Variants in NXN observed in about 807,000 individuals in gnomAD.
The protein encoded by NXN is nucleoredoxin, also known as nucleoredoxin 1.
NXN carries 16 observed loss-of-function variants against 48.6 expected under a neutral mutation model. That is an observed-to-expected ratio of 0.33 (90% CI 0.22 to 0.50). The LOEUF (loss-of-function observed/expected upper bound fraction) is 0.50. NXN is among the 20% of genes least tolerant of loss of function. The pLI is 0.98. For synonymous variants in NXN, 281 were observed against 269.6 expected (o/e 1.04, Z -0.41); for missense variants, 492 against 605.5 (o/e 0.81, Z 1.97).
chr17:830,511 G>A lies in NXN; in HGVS notation c.361-4433C>T, dbSNP rs143303656. 1.3e-5 allele frequency among the ~76,000 whole-genome samples: 2 copies of A among 152,274 alleles called. No individual in the cohort carries two copies. Among genetic ancestry groups the A allele is most frequent in the Non-Finnish European group, 1.5e-5 (1 of 68,036 alleles). On this transcript the variant is annotated intron_variant, in intron 1 of 7. Transcript: ENST00000336868. The surrounding 1 kb of genome is among the most constrained non-coding windows in gnomAD (Gnocchi z 4.2). ...AAATGGAACAAGCCACAGGCACGCC[G>A]CGGGAGGCCACCTGAGGCCCAAGAG...
At chr17:836,423 A>G (rs902724358) in intron 1 of NXN, among the ~76,000 whole-genome samples, 1 of 152,184 alleles carries the variant, frequency 6.6e-6, no homozygotes, top group Non-Finnish European at 1.5e-5. Context: ...GCCGACCACA[A>G]TCAAAACCAT....
At chr17:842,408 G>GGT (rs1293505992) in intron 1 of NXN, 1 of 555,662 alleles carries the variant, frequency 1.8e-6, no homozygotes, top group African/African-American at 2.1e-5. Flanking sequence ...GCTGCACATG[G>GGT]CCGGGAGCCC....
In NXN at chr17:959,094, G is replaced by A. The variant is rs372276588; in HGVS notation, c.360+20225C>T. 1.2e-3 allele frequency: 391 copies of A among 326,212 alleles called. 1 individual carries two copies. The highest frequency in any genetic ancestry group is 6.2e-3 in the African/African-American group (284 of 45,730). 20.2% of individuals were successfully genotyped at this position (326,212 alleles called of 1,614,324 possible). ...CATCACGGGCGGTGTGGCTGGAGGC[G>A]CGTCGACCTGATGTATGGCCAGGAG... On this transcript the variant is annotated intron_variant, in intron 1 of 7. Transcript: ENST00000336868.
At chr17:872,203 A>AGGGAGAGAGG (rs893015945) in intron 1 of NXN, among the ~76,000 whole-genome samples, 4 of 139,196 alleles carry the variant, frequency 2.9e-5, no homozygotes, top group African/African-American at 5.2e-5. Context: ...AGAGGGAGGG[A>AGGGAGAGAGG]GGGAGAGAGG....
At chr17:901,435 C>G (rs1378450266) in intron 1 of NXN, among the ~76,000 whole-genome samples, 1 of 152,138 alleles carries the variant, frequency 6.6e-6, no homozygotes, top group Non-Finnish European at 1.5e-5. Flanking sequence ...AGACCTGGTC[C>G]AACTCCCGGC....
At chr17:817,248 C>G (rs1464233857) in intron 5 of NXN, among the ~76,000 whole-genome samples, 1 of 152,178 alleles carries the variant, frequency 6.6e-6, no homozygotes, top group Non-Finnish European at 1.5e-5. Flanking sequence ...ATTTTCAGAT[C>G]TCCAGGTGAT....
intron 5 of NXN, among the ~76,000 whole-genome samples, chr17:811,509 TG>T (rs112363540): frequency 0.017 from 2,488 of 143,286 alleles, 62 homozygotes; most frequent in African/African-American, 0.052. Flanking sequence ...GCCCCGGGGT[TG>T]GGGGGGGGGC....
chr17:822,330 G>C lies in NXN; in HGVS notation c.713+27C>G, dbSNP rs1306739617. 6.6e-6 allele frequency: 10 copies of C among 1,511,786 alleles called. 1 individual carries two copies. In the Middle Eastern group the frequency reaches 8.6e-4, roughly 130 times the overall value. The allele number at this position is 1,511,786 out of a possible 1,614,324, so 93.6% of individuals were successfully genotyped here. A position where few individuals can be genotyped will look rare whatever the true frequency, so the allele number is the denominator to read the frequency against. On this transcript the variant is annotated intron_variant, in intron 4 of 7. Transcript: ENST00000336868. ...GGATGTCAGCTACCTACAGAAAAGG[G>C]GCCCAGCACTTCACGGCACGACTGA...
chr17:960,859 C>T (rs2069228398), intron 1 of NXN, among the ~76,000 whole-genome samples: 1 of 148,808 alleles, frequency 6.7e-6, no homozygotes, highest in Non-Finnish European at 1.5e-5. Context: ...AATCTCGGCT[C>T]ACTGCAAGCT....
At chr17:836,963 C>CTAT (rs5818770) in intron 1 of NXN, among the ~76,000 whole-genome samples, 15,261 of 144,814 alleles carry the variant, frequency 0.11, 855 homozygotes, top group South Asian at 0.16. Context: ...AGCTTAGTTG[C>CTAT]TATTATTATT....
intron 1 of NXN, among the ~76,000 whole-genome samples, chr17:858,128 C>T (rs1318552462): frequency 6.6e-6 from 1 of 151,968 alleles, no homozygotes; most frequent in Non-Finnish European, 1.5e-5. Flanking sequence ...CACCACCACA[C>T]CTGGCTAACT....
chr17:848,922 A>C (rs570678857), intron 1 of NXN, among the ~76,000 whole-genome samples: 1 of 152,354 alleles, frequency 6.6e-6, no homozygotes, highest in Non-Finnish European at 1.5e-5. Flanking sequence ...CGTCGGCTCC[A>C]TACCACACAT....
intron 1 of NXN, among the ~76,000 whole-genome samples, chr17:928,702 G>A (rs962874878): frequency 6.6e-6 from 1 of 152,108 alleles, no homozygotes; most frequent in Admixed American, 6.6e-5. Flanking sequence ...CGGGCGTGGT[G>A]GTGGGCACCT....
intron 1 of NXN, among the ~76,000 whole-genome samples, chr17:927,693 G>A (rs181805817): frequency 2.8e-4 from 42 of 151,930 alleles, no homozygotes; most frequent in Admixed American, 1.1e-3. Context: ...GATGGTTTGC[G>A]GGAGGAGCAG....
intron 1 of NXN, among the ~76,000 whole-genome samples, chr17:859,934 C>A (rs911330600): frequency 2.0e-5 from 3 of 152,120 alleles, no homozygotes; most frequent in Admixed American, 1.3e-4. Flanking sequence ...TCCTGAGAAC[C>A]AGCATCTCAG....
chr17:901,947 G>A (rs1012017677), intron 1 of NXN, among the ~76,000 whole-genome samples: 5 of 152,100 alleles, frequency 3.3e-5, no homozygotes, highest in Non-Finnish European at 5.9e-5. Context: ...TGATCCACCT[G>A]CCTCAGCCTC....
intron 1 of NXN, among the ~76,000 whole-genome samples, chr17:979,108 A>G (rs979565189): frequency 0.082 from 4,985 of 60,614 alleles, 265 homozygotes; most frequent in African/African-American, 0.12. Context: ...ACAGCGCGGA[A>G]GGGGGGGGGG....
At chr17:850,106 C>G (rs1485380306) in intron 1 of NXN, among the ~76,000 whole-genome samples, 2 of 152,278 alleles carry the variant, frequency 1.3e-5, no homozygotes, top group Non-Finnish European at 2.9e-5. Flanking sequence ...GTACGTGGGT[C>G]TGTGTGTGTG....
rs1912703608 is a variant in NXN, at chr17:819,559, C to T, written c.714-14G>A. 2.6e-6 allele frequency: 4 copies of T among 1,564,928 alleles called. No homozygotes were observed. The highest frequency in any genetic ancestry group is 8.7e-7 in the Non-Finnish European group (1 of 1,148,594). ...GACTCCTCCGACCTACAGAGAGACA[C>T]ACGTGGCGGGCAAGGCTCAGTATCC... On this transcript the variant is annotated splice_polypyrimidine_tract_variant and intron_variant, in intron 4 of 7. Transcript: ENST00000336868.
Sources: gnomAD v4.1 joint callset for allele counts (sites outside exome capture counted in the v4.1 genomes callset) on GRCh38, gnomAD v4.1.1 for gene constraint, Gnocchi (gnomAD v3.1) non-coding constraint, MANE v1.5 for transcripts, NCBI Gene and HGNC (gene_info 2026-07-23, HGNC 2026-07-21) for gene names.